Variants in WDR41 observed in about 807,000 individuals in gnomAD.
The protein encoded by WDR41 is WD repeat-containing protein 41.
Under a neutral mutation model 69.3 loss-of-function variants are expected in WDR41, and 63 were observed. The observed-to-expected ratio is 0.91, with a 90% CI of 0.74 to 1.12. WDR41 has a LOEUF of 1.12. WDR41 is among the 50% of genes most tolerant of loss of function. WDR41 has a pLI of 0.00. For missense variants in WDR41, 543 were observed against 534.5 expected, an observed-to-expected ratio of 1.02 and a Z score of -0.16; for synonymous variants, 185 against 192.1, an observed-to-expected ratio of 0.96 and a Z score of 0.31.
chr5:77,461,015 C>CT (rs201833045), intron 4 of WDR41, among the ~76,000 whole-genome samples: 2,353 of 152,252 alleles, frequency 0.015, 30 homozygotes, highest in Middle Eastern at 0.054. Context: ...TGAGTCCATA[C>CT]TATCATTTAC....
At chr5:77,453,358 A>G (rs1307391523) in intron 6 of WDR41, among the ~76,000 whole-genome samples, 1 of 152,028 alleles carries the variant, frequency 6.6e-6, no homozygotes, top group Non-Finnish European at 1.5e-5. Flanking sequence ...TGATTTGATT[A>G]TTTTTTTTCT....
intron 2 of WDR41, among the ~76,000 whole-genome samples, chr5:77,487,947 G>C (rs1450224796): frequency 1.3e-5 from 2 of 152,228 alleles, no homozygotes; most frequent in Non-Finnish European, 2.9e-5. Flanking sequence ...AGGGCGAGGA[G>C]TCTTGAGACA....
chr5:77,475,400 T>C (rs1164260307), intron 2 of WDR41, among the ~76,000 whole-genome samples: 7 of 152,130 alleles, frequency 4.6e-5, no homozygotes, highest in Non-Finnish European at 8.8e-5. Context: ...AGCAGTAACC[T>C]CTGCAGACTT....
intron 1 of WDR41, among the ~76,000 whole-genome samples, chr5:77,532,648 A>C (rs1219581817): frequency 6.6e-6 from 1 of 152,170 alleles, no homozygotes; most frequent in Non-Finnish European, 1.5e-5. Context: ...TCACTACAGC[A>C]GTACACAACA....
At chr5:77,476,490 C>A (rs1412012903) in intron 2 of WDR41, among the ~76,000 whole-genome samples, 1 of 152,156 alleles carries the variant, frequency 6.6e-6, no homozygotes, top group Non-Finnish European at 1.5e-5. Flanking sequence ...AGAAACTCTA[C>A]AAGCCAGAAG....
At chr5:77,521,275 C>T (rs1023348288) in intron 1 of WDR41, among the ~76,000 whole-genome samples, 2 of 152,218 alleles carry the variant, frequency 1.3e-5, no homozygotes, top group Non-Finnish European at 2.9e-5. Flanking sequence ...ATGCGCAGTT[C>T]ACAATAGGGT....
chr5:77,433,147 G>A lies in WDR41; in HGVS notation c.1368C>T (p.Tyr456=). The change falls in exon 13 of 13, where the codon TAC becomes TAT. Residue 456 remains tyrosine, a synonymous_variant. Coordinates refer to ENST00000296679, the MANE Select transcript of WDR41 (RefSeq NM_018268.4). ...TTAATTCCTTAAACTAGACAGCAAG[G>A]TATAAGTCACCATTCTCCTCTAATT... ...FQKLEENGDL[Y]LAV 3 of 1,613,100 alleles carry A rather than the reference G, an allele frequency of 1.9e-6. No individual in the cohort carries two copies. The highest frequency in any genetic ancestry group is 1.1e-5 in the South Asian group (1 of 90,754).
At chr5:77,616,011 AAATAAATT>A (rs1170787295) in intron 1 of WDR41, among the ~76,000 whole-genome samples, 8 of 122,894 alleles carry the variant, frequency 6.5e-5, no homozygotes, top group South Asian at 5.2e-4. Flanking sequence ...ATAAATAAAT[AAATAAATT>A]AATTAATTAA....
chr5:77,478,941 C>T (rs1801095779), intron 2 of WDR41, among the ~76,000 whole-genome samples: 1 of 151,612 alleles, frequency 6.6e-6, no homozygotes, highest in Admixed American at 6.6e-5. Context: ...TGTCTCAGCC[C>T]AAAATCTCCT....
chr5:77,434,439 A>C lies in WDR41; in HGVS notation c.1228-1152T>G, dbSNP rs570738362. Among the ~76,000 whole-genome samples, 5 of 152,242 alleles carry C rather than the reference A, an allele frequency of 3.3e-5. No individual in the cohort carries two copies. The South Asian group carries it at 1.0e-3, about 32-fold the overall frequency. ...AGCAGAATTCCTTCGGAAACTGGAAAACACAAAATTCAGTACACAGGTAGA... is the reference window on the plus strand; with the variant it reads ...AGCAGAATTCCTTCGGAAACTGGAACACACAAAATTCAGTACACAGGTAGA... On this transcript the variant is annotated intron_variant, in intron 12 of 12. Coordinates refer to ENST00000296679, the MANE Select transcript of WDR41 (RefSeq NM_018268.4).
intron 1 of WDR41, among the ~76,000 whole-genome samples, chr5:77,529,250 CAAAT>C (rs940483248): frequency 6.6e-6 from 1 of 150,920 alleles, no homozygotes; most frequent in African/African-American, 2.4e-5. Flanking sequence ...AACAAATAAA[CAAAT>C]AGACACTTTA....
chr5:77,525,996 AT>A (rs1802440790), intron 1 of WDR41, among the ~76,000 whole-genome samples: 1 of 152,120 alleles, frequency 6.6e-6, no homozygotes, highest in Non-Finnish European at 1.5e-5. Context: ...TATACATAAA[AT>A]TTTATCCATC....
At chr5:77,445,528 A>G (rs940923534) in intron 8 of WDR41, among the ~76,000 whole-genome samples, 1 of 152,184 alleles carries the variant, frequency 6.6e-6, no homozygotes, top group Admixed American at 6.5e-5. Flanking sequence ...ATCCTCAATA[A>G]AATACTGGCA....
At chr5:77,538,057 C>G (rs896181202) in intron 1 of WDR41, among the ~76,000 whole-genome samples, 10 of 151,894 alleles carry the variant, frequency 6.6e-5, no homozygotes, top group Non-Finnish European at 8.8e-5. Context: ...TACATTGTAC[C>G]CTTTAAATAA....
At chr5:77,587,228 T>C (rs903481634) in intron 1 of WDR41, among the ~76,000 whole-genome samples, 37 of 152,204 alleles carry the variant, frequency 2.4e-4, no homozygotes, top group African/African-American at 8.4e-4. Context: ...TTTTGTGTTA[T>C]AGTTTCTTCT....
At chr5:77,594,341 C>A (rs940017174) in intron 1 of WDR41, among the ~76,000 whole-genome samples, 4 of 151,118 alleles carry the variant, frequency 2.6e-5, no homozygotes, top group African/African-American at 9.8e-5. Context: ...GTGCAGCACA[C>A]CAACATAGCA....
chr5:77,532,523 T>TA (rs1170996411), intron 1 of WDR41, among the ~76,000 whole-genome samples: 1 of 152,086 alleles, frequency 6.6e-6, no homozygotes, highest in Non-Finnish European at 1.5e-5. Context: ...ACTCTACTTA[T>TA]AATATCTAAA....
At chr5:77,468,138 A>G (rs1800388241) in intron 2 of WDR41, among the ~76,000 whole-genome samples, 1 of 152,164 alleles carries the variant, frequency 6.6e-6, no homozygotes, top group Non-Finnish European at 1.5e-5. Flanking sequence ...TGGTTTAACA[A>G]AGACCTATGG....
intron 1 of WDR41, among the ~76,000 whole-genome samples, chr5:77,615,961 C>A (rs1744673458): frequency 6.6e-6 from 1 of 151,774 alleles, no homozygotes; most frequent in Admixed American, 6.6e-5. Flanking sequence ...CCACTGCACT[C>A]CAGCCTGGGA....
Sources: allele counts gnomAD v4.1 joint callset (sites outside exome capture counted in the v4.1 genomes callset), GRCh38; gene constraint gnomAD v4.1.1; transcripts MANE v1.5; gene names NCBI Gene and HGNC (gene_info 2026-07-23, HGNC 2026-07-21).